The following ZNF143 variants were observed in gnomAD, a reference collection of about 807,000 sequenced individuals.
ZNF143 encodes the protein zinc finger protein 143.
Under a neutral mutation model 74.1 loss-of-function variants are expected in ZNF143, and 49 were observed. That is an observed-to-expected ratio of 0.66 (90% CI 0.53 to 0.84). The LOEUF is 0.84. ZNF143 is among the 40% of genes least tolerant of loss of function. The pLI is 0.00. For synonymous variants in ZNF143, 304 were observed against 282.8 expected (o/e 1.07, Z -0.75); for missense variants, 637 against 793.4 (o/e 0.80, Z 2.37).
intron 4 of ZNF143, 42 bp downstream of exon 4, chr11:9,474,066 T>A (rs951335149): frequency 6.6e-7 from 1 of 1,516,428 alleles, no homozygotes; most frequent in Non-Finnish European, 9.2e-7. Context: ...ATTTTAATTC[T>A]CAGCTTTTAG....
At chr11:9,514,798 T>G (rs930442301) in intron 13 of ZNF143, among the ~76,000 whole-genome samples, 2 of 152,096 alleles carry the variant, frequency 1.3e-5, no homozygotes, top group Non-Finnish European at 2.9e-5. Flanking sequence ...CTGGGGAAGT[T>G]GGTAAAGGCC....
Position 9,494,891 on chromosome 11 carries a change from C to T in ZNF143, c.765+126C>T, listed in dbSNP as rs556381143. ...AGTTATCAAGATACTGGCACTTGGT[C>T]ACACTCATACACAGACATGTAAAAA... On this transcript the variant is annotated intron_variant, in intron 8 of 15. Coordinates refer to ENST00000396602, the MANE Select transcript of ZNF143 (RefSeq NM_003442.6). 18 of 940,054 alleles carry T rather than the reference C, an allele frequency of 1.9e-5. No homozygotes were observed. The South Asian group carries it at 3.0e-4, about 16-fold the overall frequency. 58.2% of individuals were successfully genotyped at this position (940,054 alleles called of 1,614,324 possible). A position where few individuals can be genotyped will look rare whatever the true frequency, so the allele number is the denominator to read the frequency against.
chr11:9,473,305 C>G (rs1199119735), intron 3 of ZNF143, among the ~76,000 whole-genome samples: 1 of 150,974 alleles, frequency 6.6e-6, no homozygotes, highest in African/African-American at 2.4e-5. Flanking sequence ...GCAGGAGAGT[C>G]GCTTGAACCC....
intron 5 of ZNF143, among the ~76,000 whole-genome samples, chr11:9,475,977 C>T (rs1004745501): frequency 6.7e-6 from 1 of 148,584 alleles, no homozygotes; most frequent in African/African-American, 2.5e-5. Flanking sequence ...AAAGCAAGGT[C>T]CTTTGCCTAC....
chr11:9,494,867 G>C (rs961127559), intron 8 of ZNF143, 102 bp downstream of exon 8: 1 of 1,252,756 alleles, frequency 8.0e-7, no homozygotes, highest in East Asian at 2.6e-5. Context: ...TTTTCTCCCA[G>C]TTATCAAGAT....
intron 11 of ZNF143, among the ~76,000 whole-genome samples, chr11:9,507,803 G>C (rs1442064013): frequency 6.6e-6 from 1 of 152,092 alleles, no homozygotes; most frequent in Non-Finnish European, 1.5e-5. Context: ...TTGGTATACA[G>C]CCTGAAAGAA....
chr11:9,527,618 C>T lies in ZNF143; in HGVS notation c.*5C>T. ...ACGCCAGGGTTGGATGATTAATCCT[C>T]AGAACAATGGAGCAATAAAGCAGAA... On this transcript the variant is annotated 3_prime_UTR_variant, in exon 16 of 16. Transcript: ENST00000396602. 1 of 1,612,900 alleles carries T rather than the reference C, an allele frequency of 6.2e-7. No individual in the cohort carries two copies. The highest frequency in any genetic ancestry group is 8.5e-7 in the Non-Finnish European group (1 of 1,178,940).
At chr11:9,479,234 G>C (rs780399467) in intron 6 of ZNF143, among the ~76,000 whole-genome samples, 2 of 151,782 alleles carry the variant, frequency 1.3e-5, no homozygotes, top group Non-Finnish European at 2.9e-5. Flanking sequence ...TGAACTCCTG[G>C]GCTCAGATGA....
rs752044316 is a variant in ZNF143 at position 9,461,314 on chromosome 11, A to T, written c.-8+238A>T. Among the ~76,000 whole-genome samples the T allele has an allele frequency of 7.7e-4, 114 of 147,390 alleles. No homozygotes were observed. In the Middle Eastern group the frequency reaches 0.011, roughly 14 times the overall value. ...CGGAGCTTTTTTCGTTGAGGACTCAACTCCCCCCAGCTTGTCTCTGAGCGA... is the reference window on the plus strand; with the variant it reads ...CGGAGCTTTTTTCGTTGAGGACTCATCTCCCCCCAGCTTGTCTCTGAGCGA... On this transcript the variant is annotated intron_variant, in intron 1 of 15. Transcript: ENST00000396602.
chr11:9,463,991 A>G (rs1856029117), intron 1 of ZNF143: 1 of 152,098 alleles, frequency 6.6e-6, no homozygotes, highest in Non-Finnish European at 1.5e-5. Context: ...CCCACTTACC[A>G]TATATCTTGG....
chr11:9,502,805 C>T (rs1848214859), intron 11 of ZNF143, among the ~76,000 whole-genome samples: 1 of 151,930 alleles, frequency 6.6e-6, no homozygotes, highest in East Asian at 1.9e-4. Flanking sequence ...TTTGCCCATT[C>T]TGGATATTTT....
rs1220958888 is a variant in ZNF143, at chr11:9,486,419, AT to A, written c.645+6875del. Among the ~76,000 whole-genome samples, 254 of 34,814 alleles carry A rather than the reference AT, an allele frequency of 7.3e-3. 9 individuals carry two copies. The highest frequency in any genetic ancestry group is 0.049 in the East Asian group (84 of 1,726). 22.8% of individuals were successfully genotyped at this position (34,814 alleles called of 152,430 possible). On this transcript the variant is annotated intron_variant, in intron 7 of 15. Coordinates refer to ENST00000396602, the MANE Select transcript of ZNF143 (RefSeq NM_003442.6). Reference sequence around the variant, plus strand: ...ATAATATATTATATATATAATATATATTATATATATTATATATATAATATAT... The same window carrying A: ...ATAATATATTATATATATAATATATATATATATATTATATATATAATATAT...
chr11:9,478,345 C>T, intron 5 of ZNF143, 45 bp from the exon 6 acceptor site: 2 of 1,576,204 alleles, frequency 1.3e-6, no homozygotes, highest in Non-Finnish European at 1.7e-6. Context: ...AAATATTTGT[C>T]AGATTTTACC....
intron 13 of ZNF143, among the ~76,000 whole-genome samples, chr11:9,513,610 C>G (rs1371122057): frequency 6.6e-5 from 10 of 152,210 alleles, no homozygotes. Context: ...CTTAGGCAAT[C>G]TGGGTCCAGG....
intron 1 of ZNF143, 130 bp downstream of exon 1, chr11:9,461,206 G>A (rs1382962912): frequency 9.6e-6 from 5 of 520,896 alleles, no homozygotes. Flanking sequence ...CGCAGGCCTT[G>A]CCGATTTTAT....
intron 7 of ZNF143, among the ~76,000 whole-genome samples, chr11:9,482,478 G>A (rs1398826334): frequency 6.6e-6 from 1 of 150,922 alleles, no homozygotes; most frequent in Non-Finnish European, 1.5e-5. Context: ...CACTGTGTTA[G>A]CCAGGATGGT....
intron 1 of ZNF143, among the ~76,000 whole-genome samples, chr11:9,463,177 C>G (rs888335466): frequency 6.6e-6 from 1 of 152,190 alleles, no homozygotes; most frequent in Admixed American, 6.6e-5. Context: ...CTTATCCATT[C>G]ATCTGTTGAT....
At chr11:9,525,077 C>A in intron 14 of ZNF143, 163 bp from the exon 15 acceptor site, 1 of 795,290 alleles carries the variant, frequency 1.3e-6, no homozygotes, top group Non-Finnish European at 1.9e-6. Flanking sequence ...TGAGCCTCAA[C>A]TTCCTCAAAT....
intron 7 of ZNF143, among the ~76,000 whole-genome samples, chr11:9,492,069 G>C (rs542963161): frequency 6.7e-6 from 1 of 150,366 alleles, no homozygotes; most frequent in African/African-American, 2.4e-5. Flanking sequence ...CTCCCAAGTA[G>C]CTGGGATTAC....
Sources: gnomAD v4.1 joint callset for allele counts (sites outside exome capture counted in the v4.1 genomes callset) on GRCh38, gnomAD v4.1.1 for gene constraint, MANE v1.5 for transcripts, NCBI Gene and HGNC (gene_info 2026-07-23, HGNC 2026-07-21) for gene names.